The following DPF3 variants were observed in gnomAD, a reference collection of about 807,000 sequenced individuals.
DPF3 encodes the protein double PHD fingers 3, also known as zinc finger protein DPF3.
DPF3 carries 18 observed loss-of-function variants against 56.8 expected under a neutral mutation model. The ratio of observed to expected loss-of-function variants is 0.32; its 90% CI spans 0.22 to 0.47. The LOEUF (loss-of-function observed/expected upper bound fraction) is 0.47, where lower values mean the gene tolerates loss of function less well. DPF3 is among the 20% of genes least tolerant of loss of function. The probability of loss-of-function intolerance (pLI) is 1.00; values close to 1 mark genes in which losing one functional copy is unlikely to be tolerated. For missense variants in DPF3, 403 were observed against 488.8 expected (o/e 0.82, Z 1.65); for synonymous variants, 188 against 180.2 (o/e 1.04, Z -0.35).
chr14:72,824,377 C>T (rs1244327558), intron 1 of DPF3, among the ~76,000 whole-genome samples: 3 of 152,092 alleles, frequency 2.0e-5, no homozygotes, highest in African/African-American at 4.8e-5. Flanking sequence ...CACTTTTGTA[C>T]TTGCTGTTCA....
chr14:72,729,269 T>C (rs1367027114), intron 4 of DPF3, among the ~76,000 whole-genome samples: 1 of 151,684 alleles, frequency 6.6e-6, no homozygotes, highest in Non-Finnish European at 1.5e-5. Flanking sequence ...AATTCATAAA[T>C]AATAAAAAAT....
At chr14:72,676,794 A>C (rs910982152) in intron 7 of DPF3, among the ~76,000 whole-genome samples, 1 of 152,130 alleles carries the variant, frequency 6.6e-6, no homozygotes, top group Non-Finnish European at 1.5e-5. Flanking sequence ...GAGTCCATTA[A>C]ATCTCTTTGT....
At chr14:72,778,091 T>C (rs1255565951) in intron 1 of DPF3, among the ~76,000 whole-genome samples, 2 of 152,122 alleles carry the variant, frequency 1.3e-5, no homozygotes, top group African/African-American at 4.8e-5. Context: ...ATGTGAGCTA[T>C]AAGGAGGACT....
intron 6 of DPF3, among the ~76,000 whole-genome samples, chr14:72,698,828 G>A (rs1415210227): frequency 6.6e-6 from 1 of 152,088 alleles, no homozygotes; most frequent in Non-Finnish European, 1.5e-5. Context: ...ATGAGCATCT[G>A]TATGCATCTC....
At chr14:72,795,293 A>ATATATAT (rs1317667797) in intron 1 of DPF3, among the ~76,000 whole-genome samples, 50 of 107,992 alleles carry the variant, frequency 4.6e-4, no homozygotes, top group Non-Finnish European at 8.5e-4. Context: ...AAAAAAAAAA[A>ATATATAT]AAATATATAT....
In DPF3 at chr14:72,704,954, G is replaced by C. The variant is rs184385361; in HGVS notation, c.604+9469C>G. Among the ~76,000 whole-genome samples the C allele has an allele frequency of 1.4e-3, 217 of 152,220 alleles. 1 individual carries two copies. Among genetic ancestry groups the C allele is most frequent in the Middle Eastern group, 3.4e-3 (1 of 294 alleles). ...GGCTCTTCTCGGTCATCAGGCTTCA[G>C]GCTTTCCTCCCTGAACACCGAATCC... is the stretch of plus-strand genomic sequence containing the variant. On this transcript the variant is annotated intron_variant, in intron 6 of 10. Transcript: ENST00000556509.
chr14:72,668,703 T>C (rs1293786211), intron 8 of DPF3, among the ~76,000 whole-genome samples: 1 of 151,962 alleles, frequency 6.6e-6, no homozygotes, highest in African/African-American at 2.4e-5. Flanking sequence ...ACCTCAAGTG[T>C]AAAGGCAAAT....
rs1202365281 is a variant in DPF3 at position 72,611,009 on chromosome 14, C to T, written c.*8288G>A. On this transcript the variant is annotated 3_prime_UTR_variant, in exon 11 of 11. Coordinates refer to ENST00000556509, the MANE Select transcript of DPF3 (RefSeq NM_001280542.3). ...CTGTCACGCACTTTAAAACCAGACT[C>T]ACAGCCAAGCCTTGTGTCCCTGACT... 4.6e-5 allele frequency among the ~76,000 whole-genome samples: 7 copies of T among 152,238 alleles called. No homozygotes were observed. The highest frequency in any genetic ancestry group is 1.0e-4 in the Non-Finnish European group (7 of 68,040).
intron 2 of DPF3, among the ~76,000 whole-genome samples, chr14:72,753,722 C>G (rs1022706229): frequency 6.6e-6 from 1 of 152,162 alleles, no homozygotes; most frequent in East Asian, 1.9e-4. Context: ...CTATCCACTG[C>G]CCCTCTATCC....
chr14:72,710,841 G>C (rs1888623581), intron 6 of DPF3, among the ~76,000 whole-genome samples: 1 of 152,228 alleles, frequency 6.6e-6, no homozygotes, highest in Non-Finnish European at 1.5e-5. Context: ...GTAATTAAAA[G>C]AGACTGGTTA....
chr14:72,843,287 CCAT>C (rs1567252893), intron 1 of DPF3, among the ~76,000 whole-genome samples: 1 of 152,114 alleles, frequency 6.6e-6, no homozygotes, highest in Non-Finnish European at 1.5e-5. Context: ...AACACACTAT[CCAT>C]TACAGCTGAG....
chr14:72,779,617 G>A (rs1347889863), intron 1 of DPF3, among the ~76,000 whole-genome samples: 1 of 152,150 alleles, frequency 6.6e-6, no homozygotes, highest in East Asian at 1.9e-4. Flanking sequence ...CCCTCCCTGG[G>A]CCTAAATTCT....
intron 8 of DPF3, among the ~76,000 whole-genome samples, chr14:72,659,903 G>A (rs1023714283): frequency 2.0e-5 from 3 of 152,086 alleles, no homozygotes; most frequent in Admixed American, 6.5e-5. Context: ...ACACATCTAC[G>A]TAAATAATCC....
intron 8 of DPF3, among the ~76,000 whole-genome samples, chr14:72,639,420 C>T (rs542545609): frequency 6.6e-6 from 1 of 152,132 alleles, no homozygotes; most frequent in African/African-American, 2.4e-5. Context: ...TCACCTCAAA[C>T]TAGTAGAATA....
At chr14:72,642,818 G>T (rs1885601521) in intron 8 of DPF3, among the ~76,000 whole-genome samples, 1 of 152,186 alleles carries the variant, frequency 6.6e-6, no homozygotes, top group African/African-American at 2.4e-5. Context: ...AAAGTCAGAG[G>T]CTTCCTAGAA....
intron 5 of DPF3, among the ~76,000 whole-genome samples, chr14:72,722,996 G>A (rs892533636): frequency 4.0e-5 from 6 of 151,568 alleles, no homozygotes; most frequent in East Asian, 1.9e-4. Flanking sequence ...CTGCTACCCC[G>A]GCAAACTTCT....
rs373222982 is a variant in DPF3, at chr14:72,723,413, A to G, written c.525+220T>C. Among the ~76,000 whole-genome samples, 496 of 151,516 alleles carry G rather than the reference A, an allele frequency of 3.3e-3. 2 individuals are homozygous for G. The highest frequency in any genetic ancestry group is 0.011 in the African/African-American group (461 of 41,288). Reference sequence around the variant, plus strand: ...CAGCCCTCCCCAGACCTCACCACCCACTCAGGGTACCCCCTCTGCCTCCTC... The same window carrying G: ...CAGCCCTCCCCAGACCTCACCACCCGCTCAGGGTACCCCCTCTGCCTCCTC... On this transcript the variant is annotated intron_variant, in intron 5 of 10. Coordinates refer to ENST00000556509, the MANE Select transcript of DPF3 (RefSeq NM_001280542.3).
chr14:72,680,220 C>T (rs1887102557), intron 7 of DPF3, among the ~76,000 whole-genome samples: 1 of 152,216 alleles, frequency 6.6e-6, no homozygotes, highest in South Asian at 2.1e-4. Flanking sequence ...CGTGTTTACT[C>T]ATATAAATTA....
intron 1 of DPF3, among the ~76,000 whole-genome samples, chr14:72,825,469 C>T (rs1883754345): frequency 6.6e-6 from 1 of 152,258 alleles, no homozygotes. Context: ...AGAGCACACT[C>T]AAATTGTTTC....
Sources: gnomAD v4.1 joint callset for allele counts (sites outside exome capture counted in the v4.1 genomes callset) on GRCh38, gnomAD v4.1.1 for gene constraint, MANE v1.5 for transcripts, NCBI Gene and HGNC (gene_info 2026-07-23, HGNC 2026-07-21) for gene names.